The following MED13L variants were observed in gnomAD, a reference collection of about 807,000 sequenced individuals.
MED13L encodes mediator of RNA polymerase II transcription subunit 13-like.
Under a neutral mutation model 220.9 loss-of-function variants are expected in MED13L, and 7 were observed. The ratio of observed to expected loss-of-function variants is 0.03; its 90% CI spans 0.02 to 0.06. The LOEUF (loss-of-function observed/expected upper bound fraction) is 0.06. Ranked by LOEUF, MED13L falls within the 10% of genes least tolerant of loss-of-function variation. The pLI, the probability that MED13L is intolerant of heterozygous loss-of-function variation, is 1.00. For missense variants in MED13L, 1,965 were observed against 2,760.5 expected (o/e 0.71, Z 6.46); for synonymous variants, 1,011 against 1,015.2 (o/e 1.00, Z 0.08).
intron 2 of MED13L, among the ~76,000 whole-genome samples, chr12:116,145,647 C>A (rs964243657): frequency 6.7e-6 from 1 of 150,258 alleles, no homozygotes. Context: ...GGCACATGCA[C>A]CACACTCAAC....
chr12:116,165,468 C>A (rs573786670), intron 2 of MED13L, among the ~76,000 whole-genome samples: 1 of 151,806 alleles, frequency 6.6e-6, no homozygotes, highest in Non-Finnish European at 1.5e-5. Flanking sequence ...GCAGCTAGGA[C>A]TATAGGCGCC....
intron 4 of MED13L, among the ~76,000 whole-genome samples, chr12:116,046,231 C>G: frequency 6.6e-6 from 1 of 151,838 alleles, no homozygotes; most frequent in East Asian, 1.9e-4. Context: ...TTTTCAAAAG[C>G]TGAATCAGCT....
intron 4 of MED13L, among the ~76,000 whole-genome samples, chr12:116,060,752 T>C (rs867862875): frequency 3.3e-5 from 5 of 152,122 alleles, no homozygotes; most frequent in Non-Finnish European, 4.4e-5. Flanking sequence ...TGTATGCCAA[T>C]TGTTAGACTG....
At chr12:116,222,481 A>G (rs541231325) in intron 2 of MED13L, among the ~76,000 whole-genome samples, 6 of 152,210 alleles carry the variant, frequency 3.9e-5, no homozygotes, top group Non-Finnish European at 8.8e-5. Context: ...TCCATGACCT[A>G]TGCTGTAATG....
At chr12:116,263,971 G>A (rs1872666019) in intron 1 of MED13L, among the ~76,000 whole-genome samples, 1 of 152,182 alleles carries the variant, frequency 6.6e-6, no homozygotes, top group Non-Finnish European at 1.5e-5. Flanking sequence ...AGAGGTTCAA[G>A]CAAGGCTGGA....
At chr12:116,240,241 C>T (rs778278480) in intron 1 of MED13L, among the ~76,000 whole-genome samples, 1 of 151,968 alleles carries the variant, frequency 6.6e-6, no homozygotes, top group African/African-American at 2.4e-5. Flanking sequence ...GGACTACATG[C>T]GTGCACCACC....
chr12:116,060,675 T>C (rs1441568257), intron 4 of MED13L, among the ~76,000 whole-genome samples: 1 of 152,068 alleles, frequency 6.6e-6, no homozygotes, highest in African/African-American at 2.4e-5. Context: ...AAGTACTACT[T>C]TGGGTTAAAA....
In MED13L at chr12:116,237,532, C is replaced by G; in HGVS notation, c.246G>C (p.Glu82Asp). Residue 82 changes from glutamate to aspartate, a missense_variant, in exon 2 of 31, where the codon GAG (glutamate) becomes GAC (aspartate). Physicochemically the swap from Glu to Asp is conservative, Grantham distance 45 (BLOSUM62 2). Around this residue, in one of 10 missense-constraint regions of MED13L, gnomAD observed 818 missense variants for 1,041.2 expected, o/e 0.79. Coordinates refer to ENST00000281928, the MANE Select transcript of MED13L (RefSeq NM_015335.5). The stretch of plus-strand genomic sequence containing the variant: ...CATCTCCCCACCAGAATATCCATAA[C>G]TCTTTGCAATCTGGTTTGACATCAC... Reference protein sequence around the residue: ...WRRDVKPDCKELWIFWWGDEP... With the variant: ...WRRDVKPDCKDLWIFWWGDEP... The G allele has an allele frequency of 6.2e-7, 1 of 1,614,228 alleles. No individual in the cohort carries two copies. Among genetic ancestry groups the G allele is most frequent in the Non-Finnish European group, 8.5e-7 (1 of 1,180,042 alleles).
Position 115,997,236 on chromosome 12 carries a change from A to C in MED13L, c.2570-6T>G. The C allele has an allele frequency of 6.2e-7, 1 of 1,613,300 alleles. No homozygotes were observed. Among genetic ancestry groups the C allele is most frequent in the Non-Finnish European group, 8.5e-7 (1 of 1,179,522 alleles). On this transcript the variant is annotated splice_polypyrimidine_tract_variant and splice_region_variant and intron_variant, in intron 14 of 30. Transcript: ENST00000281928. Reference sequence around the variant, plus strand: ...CCTTTGCAAGTCTGCAACTGCTAAAAATAAGAAATAAAAAAAATTTGTTTA... The same window carrying C: ...CCTTTGCAAGTCTGCAACTGCTAAACATAAGAAATAAAAAAAATTTGTTTA...
At chr12:115,976,632 TTAATA>T (rs1351958527) in intron 23 of MED13L, among the ~76,000 whole-genome samples, 3 of 152,328 alleles carry the variant, frequency 2.0e-5, no homozygotes, top group Admixed American at 6.5e-5. Flanking sequence ...CATATATAGT[TTAATA>T]TGTGTGTCTG....
intron 4 of MED13L, among the ~76,000 whole-genome samples, chr12:116,031,747 A>AGGC (rs1335504331): frequency 2.2e-5 from 1 of 46,434 alleles, no homozygotes; most frequent in African/African-American, 1.4e-4. Context: ...AAAGAAAAGA[A>AGGC]AAGAAAAGAA....
intron 4 of MED13L, among the ~76,000 whole-genome samples, 170 bp from the exon 5 acceptor site, chr12:116,022,771 C>T (rs1305986611): frequency 1.3e-5 from 2 of 152,142 alleles, no homozygotes; most frequent in Non-Finnish European, 2.9e-5. Context: ...ACTAAGCCAT[C>T]AGATAAATCT....
At chr12:116,250,714 T>C (rs1328434211) in intron 1 of MED13L, among the ~76,000 whole-genome samples, 1 of 147,394 alleles carries the variant, frequency 6.8e-6, no homozygotes, top group Non-Finnish European at 1.5e-5. Flanking sequence ...GAGGCAGAGG[T>C]TGCAGTGAGC....
chr12:116,036,567 A>G (rs1345152554), intron 4 of MED13L, among the ~76,000 whole-genome samples: 2 of 152,216 alleles, frequency 1.3e-5, no homozygotes, highest in Non-Finnish European at 2.9e-5. Context: ...TCATGGTGTA[A>G]AAGTGTTTTG....
intron 23 of MED13L, among the ~76,000 whole-genome samples, chr12:115,977,139 T>G (rs892205639): frequency 2.0e-5 from 3 of 151,980 alleles, no homozygotes; most frequent in African/African-American, 7.3e-5. Context: ...GGCGACAGAG[T>G]AAGACCCTGT....
intron 4 of MED13L, among the ~76,000 whole-genome samples, chr12:116,032,271 T>C (rs963660664): frequency 2.6e-5 from 4 of 152,124 alleles, no homozygotes; most frequent in Non-Finnish European, 5.9e-5. Flanking sequence ...CTAAAATTCA[T>C]ATAGAACACA....
intron 2 of MED13L, among the ~76,000 whole-genome samples, chr12:116,162,264 T>C (rs1057423113): frequency 3.3e-5 from 5 of 152,200 alleles, no homozygotes; most frequent in African/African-American, 9.6e-5. Context: ...CCCATTGTTA[T>C]GTTTCCTCAT....
rs111379201 is a variant in MED13L at position 116,271,365 on chromosome 12, A to C, written c.72+5695T>G. On this transcript the variant is annotated intron_variant, in intron 1 of 30. Coordinates refer to ENST00000281928, the MANE Select transcript of MED13L (RefSeq NM_015335.5). ...CAGCACTTTGGGAGGCCGAGGCGGG[A>C]GGATCACGAGGTCAGGAGATCGAGA... Among the ~76,000 whole-genome samples the C allele has an allele frequency of 9.9e-5, 15 of 151,880 alleles. 1 individual carries two copies. The South Asian group carries it at 3.1e-3, about 32-fold the overall frequency.
chr12:116,075,240 C>T (rs994527412), intron 4 of MED13L, among the ~76,000 whole-genome samples: 3 of 152,240 alleles, frequency 2.0e-5, no homozygotes, highest in Non-Finnish European at 2.9e-5. Flanking sequence ...GCAGCTGCCC[C>T]TTTGCAGTGT....
Sources: allele counts gnomAD v4.1 joint callset (sites outside exome capture counted in the v4.1 genomes callset), GRCh38; gene constraint gnomAD v4.1.1; regional missense constraint gnomAD v4.1.1; transcripts MANE v1.5; gene names NCBI Gene and HGNC (gene_info 2026-07-23, HGNC 2026-07-21).